ABL1: variants seen among roughly 807,000 people sequenced by gnomAD.
The protein encoded by ABL1 is tyrosine-protein kinase ABL1.
ABL1 carries 11 observed loss-of-function variants against 94.7 expected under a neutral mutation model. That is an observed-to-expected ratio of 0.12 (90% CI 0.07 to 0.19). The LOEUF (loss-of-function observed/expected upper bound fraction) is 0.19, where lower values mean the gene tolerates loss of function less well. ABL1 is among the 10% of genes least tolerant of loss of function. The pLI is 1.00. For synonymous variants in ABL1, 656 were observed against 622.4 expected, an observed-to-expected ratio of 1.05 and a Z score of -0.80; for missense variants, 1,082 against 1,489.4, an observed-to-expected ratio of 0.73 and a Z score of 4.50.
In ABL1 at chr9:130,874,916, G is replaced by A. The variant is rs1298439117; in HGVS notation, c.1134G>A (p.Lys378=). Residue 378 remains lysine (K), a synonymous_variant, in exon 7 of 11, where the codon AAG becomes AAA. Transcript: ENST00000318560. ...TGGTAGGGGAGAACCACTTGGTGAAGGTAGCTGATTTTGGCCTGAGCAGGT... is the reference window on the plus strand; with the variant it reads ...TGGTAGGGGAGAACCACTTGGTGAAAGTAGCTGATTTTGGCCTGAGCAGGT... The part of the protein sequence containing the change: ...NCLVGENHLV[K]VADFGLSRLM... The A allele has an allele frequency of 8.1e-6, 13 of 1,614,194 alleles. No homozygotes were observed. Among genetic ancestry groups the A allele is most frequent in the Admixed American group, 1.7e-5 (1 of 60,028 alleles).
intron 8 of ABL1, among the ~76,000 whole-genome samples, chr9:130,879,730 G>T (rs1005022826): frequency 6.6e-6 from 1 of 152,156 alleles, no homozygotes; most frequent in Non-Finnish European, 1.5e-5. Flanking sequence ...TTTGATAACC[G>T]TGAAGAAAGA....
chr9:130,824,436 C>G (rs1252530394), intron 1 of ABL1, among the ~76,000 whole-genome samples: 1 of 152,146 alleles, frequency 6.6e-6, no homozygotes, highest in Admixed American at 6.5e-5. Context: ...TTAGGCAGTT[C>G]ACCAATTCAA....
intron 1 of ABL1, among the ~76,000 whole-genome samples, chr9:130,846,608 T>G (rs1413383807): frequency 1.3e-5 from 2 of 152,216 alleles, no homozygotes; most frequent in Non-Finnish European, 2.9e-5. Context: ...CTGGCCGCCT[T>G]GCACTCTAGT....
chr9:130,880,238 T>C lies in ABL1; in HGVS notation c.1513+81T>C, dbSNP rs1164234968. 2 of 1,449,852 alleles carry C rather than the reference T, an allele frequency of 1.4e-6. No individual in the cohort carries two copies. Among genetic ancestry groups the C allele is most frequent in the Non-Finnish European group, 1.9e-6 (2 of 1,032,186 alleles). The allele number at this position is 1,449,852 out of a possible 1,614,324, so 89.8% of individuals were successfully genotyped here. A position where few individuals can be genotyped will look rare whatever the true frequency, so the allele number is the denominator to read the frequency against. The stretch of plus-strand genomic sequence containing the variant: ...CTGCAGCCTGGGTCATTCGGTTCAC[T>C]TCCTGGTGAAAGTTCACAGACCAGC... On this transcript the variant is annotated intron_variant, in intron 9 of 10. Transcript: ENST00000318560. This position sits in a 1 kb window ranked among gnomAD's most constrained non-coding sequence, Gnocchi z 4.4.
chr9:130,816,543 T>C (rs1830288731), intron 1 of ABL1, among the ~76,000 whole-genome samples: 2 of 151,816 alleles, frequency 1.3e-5, no homozygotes, highest in Admixed American at 1.3e-4. Flanking sequence ...TTTTTTTTTT[T>C]TTGAGACAGA....
At chr9:130,728,497 T>C (rs1831620460) in intron 1 of ABL1, among the ~76,000 whole-genome samples, 3 of 149,878 alleles carry the variant, frequency 2.0e-5, no homozygotes, top group Admixed American at 6.7e-5. Context: ...GCCATTCTCC[T>C]GCCTCAGCCT....
intron 1 of ABL1, among the ~76,000 whole-genome samples, chr9:130,845,100 C>T (rs1320133583): frequency 6.6e-6 from 1 of 152,106 alleles, no homozygotes; most frequent in Non-Finnish European, 1.5e-5. Flanking sequence ...GTGAGAGGTC[C>T]AAATTATGCA....
chr9:130,722,038 T>C (rs1831521646), intron 1 of ABL1, among the ~76,000 whole-genome samples: 2 of 151,650 alleles, frequency 1.3e-5, no homozygotes, highest in Non-Finnish European at 1.5e-5. Flanking sequence ...TGGCTCGACC[T>C]CCCAAAGTGC....
chr9:130,818,741 T>C (rs1282056971), intron 1 of ABL1, among the ~76,000 whole-genome samples: 1 of 152,256 alleles, frequency 6.6e-6, no homozygotes, highest in East Asian at 1.9e-4. Flanking sequence ...ATAGCCTCTT[T>C]TCATTAAATT....
Position 130,851,803 on chromosome 9 carries a change from A to G in ABL1, c.80-2261A>G, listed in dbSNP as rs534568230. On this transcript the variant is annotated intron_variant, in intron 1 of 10. Coordinates refer to ENST00000318560, the MANE Select transcript of ABL1 (RefSeq NM_005157.6). ...TTTTTTTGAGATGGAGTCTTACTCC[A>G]TTTCCCAGGCTGGAGTACAGTGGCA... Among the ~76,000 whole-genome samples the G allele has an allele frequency of 1.4e-3, 171 of 123,094 alleles. 2 individuals are homozygous for G. The highest frequency in any genetic ancestry group is 5.3e-3 in the African/African-American group (167 of 31,790). 80.8% of individuals were successfully genotyped at this position (123,094 alleles called of 152,430 possible). A position where few individuals can be genotyped will look rare whatever the true frequency, so the allele number is the denominator to read the frequency against.
chr9:130,834,249 G>C (rs1830530627), upstream of ABL1, among the ~76,000 whole-genome samples: 1 of 152,230 alleles, frequency 6.6e-6, no homozygotes, highest in Admixed American at 6.5e-5. Context: ...TTCATGGCTA[G>C]AAGATGTGGA....
Position 130,885,889 on chromosome 9 carries a change from C to A in ABL1, c.*206C>A. 1.6e-6 allele frequency: 1 copy of A among 640,788 alleles called. No homozygotes were observed. Among genetic ancestry groups the A allele is most frequent in the Non-Finnish European group, 2.6e-6 (1 of 384,472 alleles). The allele number at this position is 640,788 out of a possible 1,614,324, so 39.7% of individuals were successfully genotyped here. On this transcript the variant is annotated 3_prime_UTR_variant, in exon 11 of 11. Transcript: ENST00000318560. ...CTGCCCTCCCGCACCTTCCTCCTCC[C>A]CGCTCCGTCTCTGTCCTCGAATTTT... is the stretch of plus-strand genomic sequence containing the variant.
At chr9:130,718,717 C>T (rs1000333209) in intron 1 of ABL1, among the ~76,000 whole-genome samples, 1 of 152,126 alleles carries the variant, frequency 6.6e-6, no homozygotes, top group Non-Finnish European at 1.5e-5. Context: ...CCTGTCTCTA[C>T]AACAAGAACA....
chr9:130,764,036 C>T lies in ABL1; in HGVS notation c.136+49581C>T, dbSNP rs35424145. The stretch of plus-strand genomic sequence containing the variant: ...GGAGACACTTAGGCAGAGACTGGGC[C>T]GCTGAGTGGGCGTTTGGGAGGTGAG... On this transcript the variant is annotated intron_variant, in intron 1 of 10. Coordinates refer to the ABL1 transcript ENST00000372348. Among the ~76,000 whole-genome samples the T allele has an allele frequency of 8.3e-3, 1,257 of 152,202 alleles. 14 individuals carry two copies. The highest frequency in any genetic ancestry group is 0.028 in the African/African-American group (1,169 of 41,526).
chr9:130,827,096 A>AAATGCCCC (rs893617645), intron 1 of ABL1, among the ~76,000 whole-genome samples: 1 of 152,102 alleles, frequency 6.6e-6, no homozygotes, highest in African/African-American at 2.4e-5. Flanking sequence ...AAAAGAAAAG[A>AAATGCCCC]AATGCCCCGT....
At chr9:130,846,045 A>G (rs1263571898) in intron 1 of ABL1, among the ~76,000 whole-genome samples, 1 of 151,916 alleles carries the variant, frequency 6.6e-6, no homozygotes, top group African/African-American at 2.4e-5. Flanking sequence ...TGGGATTTGA[A>G]GATAACACAA....
intron 1 of ABL1, among the ~76,000 whole-genome samples, chr9:130,802,159 C>T (rs986338253): frequency 6.9e-6 from 1 of 144,904 alleles, no homozygotes; most frequent in Admixed American, 7.1e-5. Context: ...GCGGTGTGAT[C>T]ACGACTCACT....
intron 1 of ABL1, among the ~76,000 whole-genome samples, chr9:130,786,518 G>A (rs1445905818): frequency 6.6e-6 from 1 of 152,196 alleles, no homozygotes; most frequent in African/African-American, 2.4e-5. Flanking sequence ...CTATTGAAAT[G>A]ACTGGTGTGG....
chr9:130,741,313 C>T (rs529232586), intron 1 of ABL1, among the ~76,000 whole-genome samples: 4 of 152,246 alleles, frequency 2.6e-5, no homozygotes, highest in Non-Finnish European at 5.9e-5. Context: ...GTAACAGTTA[C>T]GGCACTGATG....
Sources: gnomAD v4.1 joint callset for allele counts (sites outside exome capture counted in the v4.1 genomes callset) on GRCh38, gnomAD v4.1.1 for gene constraint, Gnocchi (gnomAD v3.1) non-coding constraint, MANE v1.5 for transcripts, NCBI Gene and HGNC (gene_info 2026-07-23, HGNC 2026-07-21) for gene names.